Variants in CTNNA2 observed in about 807,000 individuals in gnomAD.
The protein encoded by CTNNA2 is catenin alpha 2.
In CTNNA2, 42 loss-of-function variants were observed where a neutral mutation model predicts 101.0. The ratio of observed to expected loss-of-function variants is 0.42; its 90% confidence interval spans 0.32 to 0.54. CTNNA2 has a LOEUF of 0.54. Among genes scored for constraint, CTNNA2 ranks in the 20% least tolerant of loss-of-function variants. The probability of loss-of-function intolerance (pLI) is 0.14; values close to 1 mark genes in which losing one functional copy is unlikely to be tolerated. For synonymous variants in CTNNA2, 450 were observed against 456.4 expected (o/e 0.99, Z 0.18); for missense variants, 871 against 1,223.1 (o/e 0.71, Z 4.29).
chr2:79,414,444 C>T (rs1678453865), intron 4 of CTNNA2, among the ~76,000 whole-genome samples: 1 of 151,982 alleles, frequency 6.6e-6, no homozygotes, highest in South Asian at 2.1e-4. Context: ...AACGCTCATA[C>T]ACACCCTCAC....
At chr2:80,592,818 T>C (rs1218208822) in intron 15 of CTNNA2, among the ~76,000 whole-genome samples, 1 of 152,186 alleles carries the variant, frequency 6.6e-6, no homozygotes, top group African/African-American at 2.4e-5. Flanking sequence ...GAATATTAAC[T>C]ATATTAACTC....
chr2:79,491,114 T>C (rs995291820), intron 4 of CTNNA2, among the ~76,000 whole-genome samples: 1 of 152,184 alleles, frequency 6.6e-6, no homozygotes, highest in Non-Finnish European at 1.5e-5. Flanking sequence ...AGTTGATCTT[T>C]CAATAACATT....
rs572560418 is a variant in CTNNA2, at chr2:79,563,353, C to G, written c.-6+50146C>G. On this transcript the variant is annotated intron_variant, in intron 1 of 18. Coordinates refer to ENST00000402739, the MANE Select transcript of CTNNA2 (RefSeq NM_001282597.3). The stretch of plus-strand genomic sequence containing the variant: ...CTCTAGGTAATAACATAACCTTTGT[C>G]TCCTTAGGACAAAAAGTGACTTTTC... Among the ~76,000 whole-genome samples, 4 of 152,036 alleles carry G rather than the reference C, an allele frequency of 2.6e-5. No individual in the cohort carries two copies. The East Asian group carries it at 7.7e-4, about 29-fold the overall frequency.
At chr2:79,284,537 G>T (rs1277962579) in intron 2 of CTNNA2, among the ~76,000 whole-genome samples, 1 of 151,536 alleles carries the variant, frequency 6.6e-6, no homozygotes, top group Admixed American at 6.6e-5. Context: ...TTTGTCTTCG[G>T]CTCTGTTTAT....
intron 1 of CTNNA2, among the ~76,000 whole-genome samples, chr2:79,626,654 TG>T (rs1344638345): frequency 6.8e-6 from 1 of 147,348 alleles, no homozygotes; most frequent in Non-Finnish European, 1.5e-5. Flanking sequence ...TGTGTGTGTG[TG>T]TCGAGTCCAG....
chr2:79,719,256 A>G (rs1284481723), intron 2 of CTNNA2, among the ~76,000 whole-genome samples: 1 of 152,088 alleles, frequency 6.6e-6, no homozygotes, highest in Non-Finnish European at 1.5e-5. Flanking sequence ...CATTGTTTTT[A>G]TGACTATATA....
At chr2:79,360,949 A>G (rs997797902) in intron 3 of CTNNA2, among the ~76,000 whole-genome samples, 7 of 152,144 alleles carry the variant, frequency 4.6e-5, no homozygotes, top group Non-Finnish European at 4.4e-5. Flanking sequence ...AGCTACCACC[A>G]TCTGTATTGT....
At chr2:79,225,644 T>A (rs1051138819) in intron 2 of CTNNA2, among the ~76,000 whole-genome samples, 5 of 152,192 alleles carry the variant, frequency 3.3e-5, no homozygotes, top group African/African-American at 1.2e-4. Flanking sequence ...AAAAGTCAAC[T>A]GCTAGGGACA....
intron 1 of CTNNA2, among the ~76,000 whole-genome samples, chr2:79,628,503 A>G (rs564624036): frequency 6.6e-6 from 1 of 152,152 alleles, no homozygotes; most frequent in African/African-American, 2.4e-5. Flanking sequence ...CAACTGTAGA[A>G]CAACGAAATT....
intron 7 of CTNNA2, among the ~76,000 whole-genome samples, chr2:80,040,353 T>A (rs945778315): frequency 6.6e-6 from 1 of 152,232 alleles, no homozygotes; most frequent in African/African-American, 2.4e-5. Context: ...GCAGACTTGA[T>A]TGATATTTGA....
At chr2:80,567,409 T>C (rs1051697624) in intron 12 of CTNNA2, among the ~76,000 whole-genome samples, 2 of 152,192 alleles carry the variant, frequency 1.3e-5, no homozygotes, top group African/African-American at 4.8e-5. Context: ...CAACTGATTA[T>C]GCTTCATGGA....
chr2:80,286,829 T>G (rs569130524), intron 7 of CTNNA2, among the ~76,000 whole-genome samples: 1 of 152,340 alleles, frequency 6.6e-6, no homozygotes, highest in Non-Finnish European at 1.5e-5. Context: ...GTTGTCATTA[T>G]GTATGTGGAT....
intron 7 of CTNNA2, among the ~76,000 whole-genome samples, chr2:79,927,767 T>C (rs954859087): frequency 2.6e-5 from 4 of 152,194 alleles, no homozygotes; most frequent in Non-Finnish European, 5.9e-5. Context: ...ATTCACACAG[T>C]AGACTATTAG....
At chr2:79,378,780 CATTCGCTCAT>C (rs1678007718) in intron 4 of CTNNA2, among the ~76,000 whole-genome samples, 1 of 152,112 alleles carries the variant, frequency 6.6e-6, no homozygotes, top group Non-Finnish European at 1.5e-5. Flanking sequence ...TTTGGGAGCT[CATTCGCTCAT>C]ATTCTCTATC....
chr2:80,303,525 T>G lies in CTNNA2; in HGVS notation c.1057-89686T>G. On this transcript the variant is annotated intron_variant, in intron 7 of 18. Coordinates refer to ENST00000402739, the MANE Select transcript of CTNNA2 (RefSeq NM_001282597.3). This position sits in a 1 kb window ranked among gnomAD's most constrained non-coding sequence, Gnocchi z 7.7. ...TCCCCCTGCACGGAGCAGATGTGAT[T>G]GTGATCCAGATAGAGCCACGTGAGC... 1 of 1,614,208 alleles carries G rather than the reference T, an allele frequency of 6.2e-7. No individual in the cohort carries two copies. Among genetic ancestry groups the G allele is most frequent in the Non-Finnish European group, 8.5e-7 (1 of 1,180,042 alleles).
At chr2:80,121,341 A>T (rs1269018883) in intron 7 of CTNNA2, among the ~76,000 whole-genome samples, 2 of 152,208 alleles carry the variant, frequency 1.3e-5, no homozygotes, top group Admixed American at 6.5e-5. Flanking sequence ...GTATAATGGG[A>T]ATAATCATTA....
chr2:80,018,038 T>C (rs1694275640), intron 7 of CTNNA2, among the ~76,000 whole-genome samples: 1 of 152,176 alleles, frequency 6.6e-6, no homozygotes, highest in Admixed American at 6.5e-5. Flanking sequence ...TTGTTAGTGT[T>C]TAGGAAAGCA....
chr2:79,520,477 A>G (rs1392985722), intron 1 of CTNNA2, among the ~76,000 whole-genome samples: 1 of 152,194 alleles, frequency 6.6e-6, no homozygotes, highest in African/African-American at 2.4e-5. Context: ...AAAAAGCACT[A>G]ATCATAAAAT....
At chr2:79,906,492 G>C (rs1198043759) in intron 6 of CTNNA2, among the ~76,000 whole-genome samples, 1 of 152,156 alleles carries the variant, frequency 6.6e-6, no homozygotes, top group Non-Finnish European at 1.5e-5. Context: ...ATACAGATCT[G>C]AATATTGTAA....
Sources: gnomAD v4.1 joint callset for allele counts (sites outside exome capture counted in the v4.1 genomes callset) on GRCh38, gnomAD v4.1.1 for gene constraint, Gnocchi (gnomAD v3.1) non-coding constraint, MANE v1.5 for transcripts, NCBI Gene and HGNC (gene_info 2026-07-23, HGNC 2026-07-21) for gene names.